The following OBSL1 variants were observed in gnomAD, a reference collection of about 807,000 sequenced individuals.
The protein encoded by OBSL1 is obscurin-like protein 1.
In OBSL1, 160 loss-of-function variants were observed where a neutral mutation model predicts 172.0. The ratio of observed to expected loss-of-function variants is 0.93; its 90% CI spans 0.82 to 1.06. The LOEUF (loss-of-function observed/expected upper bound fraction) is 1.06. Ranked by LOEUF, OBSL1 falls within the 50% of genes least tolerant of loss-of-function variation. The pLI is 0.00. For missense variants in OBSL1, 2,681 were observed against 2,715.4 expected (o/e 0.99, Z 0.28); for synonymous variants, 1,200 against 1,196.3 (o/e 1.00, Z -0.06).
At chr2:219,551,146 G>T in intron 20 of OBSL1, 1 of 1,396,622 alleles carries the variant, frequency 7.2e-7, no homozygotes, top group Non-Finnish European at 9.3e-7. Context: ...ATGGGCAGAG[G>T]CAAGCTGGGC....
Position 219,562,635 on chromosome 2 carries a change from T to C in OBSL1, c.2720A>G (p.Tyr907Cys), listed in dbSNP as rs1696567115. 2 of 1,578,096 alleles carry C rather than the reference T, an allele frequency of 1.3e-6. No individual in the cohort carries two copies. The highest frequency in any genetic ancestry group is 1.3e-5 in the African/African-American group (1 of 74,090). The change falls in exon 8 of 21, where the codon TAT (tyrosine) becomes TGT (cysteine). Residue 907 changes from tyrosine to cysteine, a missense_variant. Physicochemically the swap from Tyr to Cys is radical, Grantham distance 194. This residue lies in a region of OBSL1 where 1,765 missense variants were observed against 1,748.3 expected (regional missense o/e 1.01). Coordinates refer to ENST00000404537, the MANE Select transcript of OBSL1 (RefSeq NM_015311.3). The part of the protein sequence containing the change: ...SWIVYPSGKV[Y>C]VAAVRLERVV... ...ACGCTCCAGGCGCACGGCTGCCACA[T>C]ACACCTTGCCGCTGGGATACACGAT...
chr2:219,550,724 G>A (rs1695555326), downstream of OBSL1: 1 of 1,434,064 alleles, frequency 7.0e-7, no homozygotes, highest in Non-Finnish European at 9.6e-7. Flanking sequence ...GAGAGGCAAG[G>A]AAATGAGCTG....
intron 15 of OBSL1, 181 bp downstream of exon 15, chr2:219,554,293 A>C: frequency 1.4e-6 from 1 of 722,202 alleles, no homozygotes; most frequent in Non-Finnish European, 2.3e-6. Context: ...CAGGCAGAGG[A>C]CTCTGGGGCC....
At position 219,556,488 on chromosome 2, in the gene OBSL1, C is replaced by T. The variant is rs1487065266; in HGVS notation, c.4302G>A (p.Gly1434=). Residue 1434 remains glycine, a synonymous_variant, in exon 13 of 21, where the codon GGG becomes GGA. Transcript: ENST00000404537. Reference sequence around the variant, plus strand: ...GGAGCCGGGCACTTGTGGCCGTGCTCCCTGCCCGCAAAGTCACGGTCCCTG... The same window carrying T: ...GGAGCCGGGCACTTGTGGCCGTGCTTCCTGCCCGCAAAGTCACGGTCCCTG... ...GDAGTVTLRA[G]STATSARLHV... 6.2e-7 allele frequency: 1 copy of T among 1,613,872 alleles called. No homozygotes were observed. Among genetic ancestry groups the T allele is most frequent in the Non-Finnish European group, 8.5e-7 (1 of 1,179,896 alleles).
chr2:219,547,433 T>A (rs1012411813), downstream of OBSL1: 3 of 1,238,986 alleles, frequency 2.4e-6, no homozygotes, highest in African/African-American at 3.1e-5. Flanking sequence ...CCCATGTCCT[T>A]GACCCCTTGG....
chr2:219,558,685 T>G (rs1159205687), intron 9 of OBSL1, among the ~76,000 whole-genome samples: 4 of 152,202 alleles, frequency 2.6e-5, no homozygotes, highest in African/African-American at 9.7e-5. Flanking sequence ...CTGGCTGCAC[T>G]TCATGGCTGA....
chr2:219,547,381 A>G (rs1484485845), downstream of OBSL1: 1 of 771,134 alleles, frequency 1.3e-6, no homozygotes. Flanking sequence ...GTGACCCTCA[A>G]TTCTCTGATC....
intron 18 of OBSL1, 131 bp downstream of exon 18, chr2:219,552,405 G>A (rs1027725105): frequency 3.1e-6 from 3 of 966,006 alleles, no homozygotes; most frequent in Non-Finnish European, 4.6e-6. Context: ...GGAAAGAACA[G>A]GGACGAGGCT....
chr2:219,566,484 G>A (rs1696902981), intron 5 of OBSL1, among the ~76,000 whole-genome samples: 2 of 152,220 alleles, frequency 1.3e-5, no homozygotes, highest in Non-Finnish European at 2.9e-5. Flanking sequence ...CGATGACAAT[G>A]TCAACAATTA....
Position 219,571,273 on chromosome 2 carries a change from C to CA in OBSL1, c.-42dup. 1 of 861,604 alleles carries CA rather than the reference C, an allele frequency of 1.2e-6. No individual in the cohort carries two copies. The highest frequency in any genetic ancestry group is 4.8e-5 in the Admixed American group (1 of 21,028). 53.4% of individuals were successfully genotyped at this position (861,604 alleles called of 1,614,324 possible). ...CCTGCAGCGGCGAACGGTGGGGGGG[C>CA]AGGGGGGGGTGCGGAGGGCGAGCCG... On this transcript the variant is annotated 5_prime_UTR_variant, in exon 1 of 21. Coordinates refer to ENST00000404537, the MANE Select transcript of OBSL1 (RefSeq NM_015311.3).
chr2:219,567,547 G>C lies in OBSL1; in HGVS notation c.1563C>G (p.Pro521=). ...GGCCCTTGAACATCTCTGCCAATAT[G>C]GGGGGTCCTGGGGGACTGTGCTTGA... ...KCVKHSPPGP[P]ILAEMFKGHK... The change falls in exon 4 of 21, where the codon CCC becomes CCG. Residue 521 remains proline (P), a synonymous_variant. Transcript: ENST00000404537. The C allele has an allele frequency of 6.2e-7, 1 of 1,611,890 alleles. No homozygotes were observed. The highest frequency in any genetic ancestry group is 8.5e-7 in the Non-Finnish European group (1 of 1,178,398).
intron 19 of OBSL1, 69 bp from the exon 20 acceptor site, chr2:219,551,867 TCC>T: frequency 9.5e-7 from 1 of 1,051,692 alleles, no homozygotes; most frequent in Non-Finnish European, 1.4e-6. Flanking sequence ...AGATGCATCT[TCC>T]CTCCCTGAAG....
intron 16 of OBSL1, 44 bp from the exon 17 acceptor site, chr2:219,553,068 C>T: frequency 7.0e-7 from 1 of 1,422,816 alleles, no homozygotes; most frequent in South Asian, 1.5e-5. Context: ...CCCGGCTGGG[C>T]ACAGGCGACC....
At chr2:219,548,746 G>A (rs1695450581), downstream of OBSL1, among the ~76,000 whole-genome samples, 1 of 152,306 alleles carries the variant, frequency 6.6e-6, no homozygotes, top group Non-Finnish European at 1.5e-5. Context: ...TTAAAGTAGG[G>A]GAGGATAGAA....
chr2:219,563,266 C>G (rs895015311), intron 7 of OBSL1, 89 bp downstream of exon 7: 2 of 1,355,824 alleles, frequency 1.5e-6, no homozygotes, highest in African/African-American at 2.9e-5. Context: ...GGGCGGGGAA[C>G]AGTGGCCTGG....
rs755849209 is a variant in OBSL1, at chr2:219,559,318, G to T, written c.3133C>A (p.Arg1045Ser). The change falls in exon 9 of 21, where the codon CGC (arginine) becomes AGC (serine). Residue 1045 changes from arginine to serine, a missense_variant. Transcript: ENST00000404537. ...GGCTGAGCAGCAGGTAGCACCAGGC[G>T]GCAGCGTGGCCCATCCCTCTCCAGC... Reference protein sequence around the residue: ...LVLERDGPRCRLVLPAAQPED... With the variant: ...LVLERDGPRCSLVLPAAQPED... 6.2e-7 allele frequency: 1 copy of T among 1,613,764 alleles called. No homozygotes were observed. Among genetic ancestry groups the T allele is most frequent in the Admixed American group, 1.7e-5 (1 of 59,992 alleles).
intron 6 of OBSL1, among the ~76,000 whole-genome samples, chr2:219,564,298 G>A (rs1696713148): frequency 6.6e-6 from 1 of 152,174 alleles, no homozygotes; most frequent in African/African-American, 2.4e-5. Context: ...ACTGCCTTGT[G>A]AGAACCACGG....
rs1696274302 is a variant in OBSL1 at position 219,559,226 on chromosome 2, T to TGTGACA, written c.3219_3224dup (p.Val1074_Thr1075dup). ...CTCTGTGCTGCAGAGACTGCCCACC[T>TGTGACA]GTGACAGTGACAGTGAAGAAGGCCG... On this transcript the variant is annotated inframe_insertion and splice_region_variant, in exon 9 of 21. Transcript: ENST00000404537. 9.4e-6 allele frequency: 15 copies of TGTGACA among 1,600,126 alleles called. No individual in the cohort carries two copies. Among genetic ancestry groups the TGTGACA allele is most frequent in the Non-Finnish European group, 1.2e-5 (14 of 1,170,494 alleles).
At chr2:219,548,540 A>C (rs1246732230), downstream of OBSL1, among the ~76,000 whole-genome samples, 2 of 152,222 alleles carry the variant, frequency 1.3e-5, no homozygotes, top group Non-Finnish European at 2.9e-5. Context: ...GGGGCCAGCC[A>C]TGCAAAGAGC....
Sources: gnomAD v4.1 joint callset for allele counts (sites outside exome capture counted in the v4.1 genomes callset) on GRCh38, gnomAD v4.1.1 for gene constraint, gnomAD v4.1.1 regional missense constraint, MANE v1.5 for transcripts, NCBI Gene and HGNC (gene_info 2026-07-23, HGNC 2026-07-21) for gene names.